The following FRMD6 variants were observed in gnomAD, a reference collection of about 807,000 sequenced individuals.
The protein encoded by FRMD6 is FERM domain containing 6.
Under a neutral mutation model 73.2 loss-of-function variants are expected in FRMD6, and 37 were observed. That is an observed-to-expected ratio of 0.51 (90% CI 0.39 to 0.66). FRMD6 has a LOEUF of 0.66. FRMD6 is among the 30% of genes least tolerant of loss of function. The pLI is 0.00. For missense variants in FRMD6, 714 were observed against 780.5 expected (o/e 0.91, Z 1.02); for synonymous variants, 273 against 282.2 (o/e 0.97, Z 0.33).
At chr14:51,660,294 A>G (rs1156838152) in intron 1 of FRMD6, among the ~76,000 whole-genome samples, 5 of 152,166 alleles carry the variant, frequency 3.3e-5, no homozygotes, top group African/African-American at 9.7e-5. Flanking sequence ...ATGTTTCCAG[A>G]TGAGTGTGAA....
At chr14:51,709,353 A>G (rs1326827261) in intron 7 of FRMD6, among the ~76,000 whole-genome samples, 1 of 152,212 alleles carries the variant, frequency 6.6e-6, no homozygotes, top group African/African-American at 2.4e-5. Flanking sequence ...AAAACTGCTT[A>G]AAACAGTGCC....
At chr14:51,559,790 A>G (rs1003521865) in intron 1 of FRMD6, among the ~76,000 whole-genome samples, 1 of 152,192 alleles carries the variant, frequency 6.6e-6, no homozygotes. Flanking sequence ...CAATATGCCT[A>G]TCCCCTTCCC....
At chr14:51,701,485 T>TAC (rs1472422125) in intron 4 of FRMD6, among the ~76,000 whole-genome samples, 22 of 146,098 alleles carry the variant, frequency 1.5e-4, no homozygotes, top group Admixed American at 1.2e-3. Context: ...TATATATATA[T>TAC]ACTTAGTATA....
At chr14:51,619,340 C>T (rs1318956744) in intron 2 of FRMD6, among the ~76,000 whole-genome samples, 1 of 148,980 alleles carries the variant, frequency 6.7e-6, no homozygotes, top group East Asian at 2.0e-4. Flanking sequence ...AGTTAAATAG[C>T]ATAGCTGGGC....
chr14:51,722,655 C>CAT (rs1259960272), intron 12 of FRMD6, among the ~76,000 whole-genome samples: 1 of 152,108 alleles, frequency 6.6e-6, no homozygotes, highest in Non-Finnish European at 1.5e-5. Context: ...TATAATACAT[C>CAT]ATATATATTT....
chr14:51,728,196 T>A lies in FRMD6; in HGVS notation c.*167T>A. 2 of 650,914 alleles carry A rather than the reference T, an allele frequency of 3.1e-6. No individual in the cohort carries two copies. Among genetic ancestry groups the A allele is most frequent in the East Asian group, 5.5e-5 (2 of 36,172 alleles). 40.3% of individuals were successfully genotyped at this position (650,914 alleles called of 1,614,324 possible). A position where few individuals can be genotyped will look rare whatever the true frequency, so the allele number is the denominator to read the frequency against. On this transcript the variant is annotated 3_prime_UTR_variant, in exon 14 of 14. Coordinates refer to ENST00000344768, the MANE Select transcript of FRMD6 (RefSeq NM_001267046.2). ...CAAAAGCCTTGGAACAATTGCACTT[T>A]AAGTATTACACAGAAGTAAAAGAAC...
intron 2 of FRMD6, among the ~76,000 whole-genome samples, chr14:51,644,130 AACATCAATAGAATATTAATT>A (rs1891941294): frequency 6.6e-6 from 1 of 152,146 alleles, no homozygotes; most frequent in Non-Finnish European, 1.5e-5. Flanking sequence ...TACAATAAGG[AACATCAATAGAATATTAATT>A]ATACCATACA....
intron 2 of FRMD6, among the ~76,000 whole-genome samples, chr14:51,611,452 T>C (rs1350419876): frequency 1.3e-5 from 2 of 152,224 alleles, no homozygotes; most frequent in Admixed American, 6.5e-5. Context: ...GGGTCCCACC[T>C]CTAGAGATTC....
intron 2 of FRMD6, among the ~76,000 whole-genome samples, chr14:51,610,890 A>T (rs1286241020): frequency 6.6e-6 from 1 of 152,220 alleles, no homozygotes; most frequent in African/African-American, 2.4e-5. Context: ...GATGGCTATG[A>T]CTTTGACTTT....
chr14:51,662,909 T>A (rs1350843717), intron 1 of FRMD6, among the ~76,000 whole-genome samples: 1 of 152,040 alleles, frequency 6.6e-6, no homozygotes, highest in Non-Finnish European at 1.5e-5. Flanking sequence ...ATATGCAGCA[T>A]CTATAAGGAA....
At chr14:51,722,403 C>T (rs1246518942) in intron 12 of FRMD6, among the ~76,000 whole-genome samples, 1 of 152,226 alleles carries the variant, frequency 6.6e-6, no homozygotes, top group Non-Finnish European at 1.5e-5. Context: ...TAGACCCCTT[C>T]AGTCTGGCCT....
intron 2 of FRMD6, among the ~76,000 whole-genome samples, chr14:51,640,397 G>A (rs932022693): frequency 3.3e-5 from 5 of 152,166 alleles, no homozygotes; most frequent in African/African-American, 1.2e-4. Flanking sequence ...TGTCATGAAT[G>A]GGTATCAAAA....
chr14:51,548,426 G>A (rs529170664), intron 1 of FRMD6, among the ~76,000 whole-genome samples: 7 of 152,262 alleles, frequency 4.6e-5, no homozygotes, highest in Admixed American at 2.6e-4. Flanking sequence ...GTGGCTTTGC[G>A]GGTCTGCAGC....
intron 1 of FRMD6, among the ~76,000 whole-genome samples, chr14:51,519,357 C>T (rs1221249676): frequency 6.6e-6 from 1 of 152,056 alleles, no homozygotes; most frequent in Non-Finnish European, 1.5e-5. Context: ...ACCGTGTTAG[C>T]TAGGCTGGTC....
At chr14:51,527,144 G>C (rs1411533351) in intron 1 of FRMD6, among the ~76,000 whole-genome samples, 1 of 152,248 alleles carries the variant, frequency 6.6e-6, no homozygotes, top group Non-Finnish European at 1.5e-5. Flanking sequence ...TGTAGGAAAA[G>C]TGCTTTGAAA....
rs1566547375 is a variant in FRMD6, at chr14:51,668,232, T to A, written c.-147+16236T>A. Reference sequence around the variant, plus strand: ...ACTGGTTAGGAAAGGGATATGAAAGTAAAGGTGTTTTGAAATGATTACATA... The same window carrying A: ...ACTGGTTAGGAAAGGGATATGAAAGAAAAGGTGTTTTGAAATGATTACATA... On this transcript the variant is annotated intron_variant, in intron 1 of 13. Transcript: ENST00000344768. Among the ~76,000 whole-genome samples the A allele has an allele frequency of 2.0e-5, 3 of 152,330 alleles. No homozygotes were observed. The South Asian group carries it at 6.2e-4, about 32-fold the overall frequency.
the FRMD6 span, among the ~76,000 whole-genome samples, chr14:51,430,040 G>T: frequency 6.6e-6 from 1 of 152,112 alleles, no homozygotes; most frequent in Non-Finnish European, 1.5e-5. Flanking sequence ...CAAGAAGAAA[G>T]AAAAAGAAAT....
chr14:51,629,516 T>C (rs1290701519), intron 2 of FRMD6, among the ~76,000 whole-genome samples: 4 of 152,242 alleles, frequency 2.6e-5, no homozygotes, highest in Admixed American at 6.5e-5. Flanking sequence ...CACATCCTTG[T>C]CAACACTTCT....
At chr14:51,628,828 A>G (rs1451918903) in intron 2 of FRMD6, among the ~76,000 whole-genome samples, 1 of 142,230 alleles carries the variant, frequency 7.0e-6, no homozygotes, top group African/African-American at 2.5e-5. Context: ...AAAAAAAGGC[A>G]ACATACACAT....
Sources: allele counts gnomAD v4.1 joint callset (sites outside exome capture counted in the v4.1 genomes callset), GRCh38; gene constraint gnomAD v4.1.1; transcripts MANE v1.5; gene names NCBI Gene and HGNC (gene_info 2026-07-23, HGNC 2026-07-21).